HIP1: variants seen among roughly 807,000 people sequenced by gnomAD.
HIP1 encodes huntingtin interacting protein 1.
A neutral mutation model predicts 147.6 loss-of-function variants in HIP1; 65 were observed. The ratio of observed to expected loss-of-function variants is 0.44; its 90% CI spans 0.36 to 0.54. The LOEUF (loss-of-function observed/expected upper bound fraction) is 0.54, where lower values mean the gene tolerates loss of function less well. HIP1 is among the 20% of genes least tolerant of loss of function. The pLI is 0.00. For missense variants in HIP1, 1,061 were observed against 1,299.6 expected (o/e 0.82, Z 2.82); for synonymous variants, 479 against 504.0 (o/e 0.95, Z 0.67).
At chr7:75,655,878 G>A (rs1346402105) in intron 1 of HIP1, among the ~76,000 whole-genome samples, 1 of 152,166 alleles carries the variant, frequency 6.6e-6, no homozygotes, top group East Asian at 1.9e-4. Context: ...CCAGCACTCT[G>A]GGAGGACAAG....
At chr7:75,579,132 A>T (rs1212966682) in intron 7 of HIP1, among the ~76,000 whole-genome samples, 4 of 150,370 alleles carry the variant, frequency 2.7e-5, no homozygotes, top group African/African-American at 7.4e-5. Flanking sequence ...TGCATTTTTT[A>T]AAAAATAAAT....
rs113911316 is a variant in HIP1 at position 75,586,741 on chromosome 7, G to T, written c.465+12C>A. 5.7e-6 allele frequency: 9 copies of T among 1,585,290 alleles called. No homozygotes were observed. The highest frequency in any genetic ancestry group is 2.2e-5 in the East Asian group (1 of 44,686). The stretch of plus-strand genomic sequence containing the variant: ...GGCGGCGGTGGCGGCAGAACTGTCC[G>T]CAGAGACTCACTTTGGTGTGGTACT... On this transcript the variant is annotated intron_variant, in intron 5 of 30. Coordinates refer to ENST00000336926, the MANE Select transcript of HIP1 (RefSeq NM_005338.7).
chr7:75,599,329 C>A, intron 1 of HIP1, 82 bp from the exon 2 acceptor site: 1 of 1,075,040 alleles, frequency 9.3e-7, no homozygotes. Context: ...CAGATGCCCG[C>A]CCCTTTCTCC....
At chr7:75,682,017 T>C (rs1178656143) in intron 1 of HIP1, among the ~76,000 whole-genome samples, 1 of 113,650 alleles carries the variant, frequency 8.8e-6, no homozygotes, top group Non-Finnish European at 1.7e-5. Context: ...GGCAACAACC[T>C]CTTTTTTTTT....
Position 75,537,468 on chromosome 7 carries a change from C to G in HIP1, c.*704G>C. 4.3e-6 allele frequency: 1 copy of G among 231,920 alleles called. No individual in the cohort carries two copies. The highest frequency in any genetic ancestry group is 8.5e-6 in the Non-Finnish European group (1 of 117,390). 14.4% of individuals were successfully genotyped at this position (231,920 alleles called of 1,614,324 possible). ...CCACAGTTGGGGGGCCCTGGAGACTCAGCCCCAGGGGTGTGCCCTTTGGGA... is the reference window on the plus strand; with the variant it reads ...CCACAGTTGGGGGGCCCTGGAGACTGAGCCCCAGGGGTGTGCCCTTTGGGA... On this transcript the variant is annotated 3_prime_UTR_variant, in exon 31 of 31. Coordinates refer to ENST00000336926, the MANE Select transcript of HIP1 (RefSeq NM_005338.7).
chr7:75,599,774 G>A (rs371555997), intron 1 of HIP1, among the ~76,000 whole-genome samples: 6 of 151,276 alleles, frequency 4.0e-5, no homozygotes, highest in Admixed American at 4.0e-4. Context: ...AAATTCCCTT[G>A]TACTTCCTTA....
chr7:75,654,135 C>T (rs555923153), intron 1 of HIP1, among the ~76,000 whole-genome samples: 48 of 152,118 alleles, frequency 3.2e-4, no homozygotes, highest in African/African-American at 1.1e-3. Flanking sequence ...GGGCTCACAC[C>T]TGTAATCCCA....
At chr7:75,667,903 A>G (rs1799610803) in intron 1 of HIP1, among the ~76,000 whole-genome samples, 1 of 152,248 alleles carries the variant, frequency 6.6e-6, no homozygotes, top group African/African-American at 2.4e-5. Flanking sequence ...TTAATCAGTG[A>G]CTTTGATTTT....
intron 23 of HIP1, among the ~76,000 whole-genome samples, chr7:75,548,668 G>T (rs1368180711): frequency 1.3e-5 from 2 of 151,704 alleles, no homozygotes; most frequent in Non-Finnish European, 2.9e-5. Flanking sequence ...GTAGAGATGG[G>T]GTCTTGCTAT....
intron 1 of HIP1, among the ~76,000 whole-genome samples, chr7:75,606,134 A>C (rs1179639): frequency 0.31 from 46,922 of 152,012 alleles, 11,557 homozygotes; most frequent in African/African-American, 0.67. Context: ...TAGGTGTGAG[A>C]CACCATGCCC....
chr7:75,568,310 G>T lies in HIP1; in HGVS notation c.746-54C>A. On this transcript the variant is annotated intron_variant, in intron 8 of 30. Coordinates refer to ENST00000336926, the MANE Select transcript of HIP1 (RefSeq NM_005338.7). The surrounding 1 kb of genome is among the most constrained non-coding windows in gnomAD (Gnocchi z 4.1). ...GGGAGGGGGACCAGAGGGCAGGGAA[G>T]CCACAGCGGGGCTCTCGAGGGGGAG... 1 of 1,215,558 alleles carries T rather than the reference G, an allele frequency of 8.2e-7. No homozygotes were observed. The highest frequency in any genetic ancestry group is 1.2e-6 in the Non-Finnish European group (1 of 816,612). The allele number at this position is 1,215,558 out of a possible 1,614,324, so 75.3% of individuals were successfully genotyped here.
At chr7:75,615,717 T>C (rs1396863987) in intron 1 of HIP1, among the ~76,000 whole-genome samples, 9 of 151,886 alleles carry the variant, frequency 5.9e-5, no homozygotes, top group Non-Finnish European at 8.8e-5. Context: ...AGGTTGCAGT[T>C]GAGCCGAGAT....
At chr7:75,608,235 A>C (rs1461207649) in intron 1 of HIP1, among the ~76,000 whole-genome samples, 1 of 152,102 alleles carries the variant, frequency 6.6e-6, no homozygotes, top group African/African-American at 2.4e-5. Context: ...TAAACCCGGG[A>C]GGCGGAGAAC....
intron 1 of HIP1, among the ~76,000 whole-genome samples, chr7:75,666,362 G>T (rs782154893): frequency 7.2e-5 from 11 of 151,900 alleles, no homozygotes; most frequent in Admixed American, 2.6e-4. Context: ...TAGAGACAGG[G>T]TTTCGCCATG....
intron 1 of HIP1, among the ~76,000 whole-genome samples, chr7:75,672,952 T>C (rs1554515517): frequency 6.6e-6 from 1 of 152,050 alleles, no homozygotes; most frequent in Admixed American, 6.6e-5. Flanking sequence ...TATGTTTCTA[T>C]CCTTATGCCA....
chr7:75,606,411 C>G (rs587721074), intron 1 of HIP1, among the ~76,000 whole-genome samples: 1 of 152,212 alleles, frequency 6.6e-6, no homozygotes, highest in African/African-American at 2.4e-5. Flanking sequence ...GAAACCCCAT[C>G]TCTACTAAAA....
intron 1 of HIP1, among the ~76,000 whole-genome samples, chr7:75,725,198 A>T (rs1427524418): frequency 1.3e-5 from 2 of 151,994 alleles, no homozygotes; most frequent in East Asian, 3.9e-4. Context: ...TAATTAAAAA[A>T]ATCTTTTTGT....
chr7:75,669,057 A>AAAAC (rs1300293040), intron 1 of HIP1, among the ~76,000 whole-genome samples: 11 of 150,290 alleles, frequency 7.3e-5, no homozygotes, highest in Admixed American at 4.7e-4. Flanking sequence ...GTTTCTACTT[A>AAAAC]AAACAAACAA....
At chr7:75,687,339 CT>C (rs1800294881) in intron 1 of HIP1, among the ~76,000 whole-genome samples, 1 of 152,178 alleles carries the variant, frequency 6.6e-6, no homozygotes, top group Non-Finnish European at 1.5e-5. Flanking sequence ...AGTTTATCTC[CT>C]TGCTGGTCTC....
Sources: gnomAD v4.1 joint callset for allele counts (sites outside exome capture counted in the v4.1 genomes callset) on GRCh38, gnomAD v4.1.1 for gene constraint, Gnocchi (gnomAD v3.1) non-coding constraint, MANE v1.5 for transcripts, NCBI Gene and HGNC (gene_info 2026-07-23, HGNC 2026-07-21) for gene names.